TWIST2: variants seen among roughly 807,000 people sequenced by gnomAD.
TWIST2 encodes the protein twist family bHLH transcription factor 2.
Under a neutral mutation model 11.6 loss-of-function variants are expected in TWIST2, and 1 was observed. That is an observed-to-expected ratio of 0.09 (90% CI 0.03 to 0.41). The LOEUF is 0.41. Among genes scored for constraint, TWIST2 ranks in the 10% least tolerant of loss-of-function variants. The pLI is 0.98. For synonymous variants in TWIST2, 87 were observed against 96.6 expected (o/e 0.90, Z 0.58); for missense variants, 168 against 226.4 (o/e 0.74, Z 1.66).
intron 1 of TWIST2, among the ~76,000 whole-genome samples, chr2:238,894,206 C>T (rs1264516878): frequency 6.6e-6 from 1 of 152,190 alleles, no homozygotes; most frequent in African/African-American, 2.4e-5. Context: ...CCCCCACCCT[C>T]TTCCGGGGTT....
At chr2:238,879,245 A>G (rs141358117) in intron 1 of TWIST2, among the ~76,000 whole-genome samples, 1 of 151,956 alleles carries the variant, frequency 6.6e-6, no homozygotes, top group Admixed American at 6.6e-5. Flanking sequence ...TGATGAGACC[A>G]ATAATCAGGG....
intron 1 of TWIST2, among the ~76,000 whole-genome samples, chr2:238,892,490 G>GT (rs200697333): frequency 0.016 from 2,475 of 151,804 alleles, 54 homozygotes; most frequent in African/African-American, 0.057. Context: ...TTTTGTTTTT[G>GT]TTTTTTTTGA....
At chr2:238,862,689 C>A (rs1574749661) in intron 1 of TWIST2, among the ~76,000 whole-genome samples, 2 of 152,282 alleles carry the variant, frequency 1.3e-5, no homozygotes, top group Non-Finnish European at 2.9e-5. Context: ...ATGAACAATT[C>A]CACTTCTAGG....
chr2:238,850,106 T>C (rs918506469), intron 1 of TWIST2, among the ~76,000 whole-genome samples: 7 of 152,256 alleles, frequency 4.6e-5, no homozygotes, highest in African/African-American at 1.7e-4. Context: ...AGGTGGGTTT[T>C]ATTTCATTTT....
chr2:238,882,562 C>T (rs1442373621), intron 1 of TWIST2, among the ~76,000 whole-genome samples: 1 of 152,128 alleles, frequency 6.6e-6, no homozygotes, highest in Non-Finnish European at 1.5e-5. Flanking sequence ...AGCCTCTTCA[C>T]CTTGACTCCG....
chr2:238,907,235 G>GC (rs1693368166), intron 1 of TWIST2, among the ~76,000 whole-genome samples: 1 of 152,184 alleles, frequency 6.6e-6, no homozygotes, highest in Non-Finnish European at 1.5e-5. Context: ...TGCCCTGTGG[G>GC]CCCCACTGAG....
At chr2:238,876,488 C>T (rs1038853760) in intron 1 of TWIST2, among the ~76,000 whole-genome samples, 3 of 152,238 alleles carry the variant, frequency 2.0e-5, no homozygotes, top group Middle Eastern at 3.4e-3. Flanking sequence ...GTCCCGCCTT[C>T]GGGGACAGTC....
chr2:238,882,726 C>A (rs1692959921), intron 1 of TWIST2, among the ~76,000 whole-genome samples: 1 of 152,162 alleles, frequency 6.6e-6, no homozygotes, highest in Admixed American at 6.5e-5. Flanking sequence ...CTTACATATT[C>A]CTTTTGTCCC....
intron 1 of TWIST2, among the ~76,000 whole-genome samples, chr2:238,879,468 A>T (rs1265004476): frequency 1.3e-5 from 2 of 152,172 alleles, no homozygotes; most frequent in Non-Finnish European, 2.9e-5. Context: ...ACCTCCCTCC[A>T]GCCGGGACTA....
chr2:238,882,171 C>G (rs1692948122), intron 1 of TWIST2, among the ~76,000 whole-genome samples: 1 of 152,132 alleles, frequency 6.6e-6, no homozygotes, highest in Non-Finnish European at 1.5e-5. Context: ...TACACCAAGC[C>G]CCACTTGCCT....
chr2:238,874,788 G>T (rs1242203077), intron 1 of TWIST2, among the ~76,000 whole-genome samples: 2 of 152,132 alleles, frequency 1.3e-5, no homozygotes, highest in Non-Finnish European at 2.9e-5. Context: ...CACAGCACTT[G>T]GGTGTGCACC....
At chr2:238,854,223 T>C (rs2106348981) in intron 1 of TWIST2, among the ~76,000 whole-genome samples, 1 of 152,316 alleles carries the variant, frequency 6.6e-6, no homozygotes, top group East Asian at 1.9e-4. Context: ...ACTCCTGTCT[T>C]TTTAGTTCAC....
At chr2:238,886,095 C>CAAAA (rs67714100) in intron 1 of TWIST2, among the ~76,000 whole-genome samples, 25 of 123,262 alleles carry the variant, frequency 2.0e-4, no homozygotes, top group African/African-American at 5.3e-4. Flanking sequence ...GACTCCATCT[C>CAAAA]AAAAAAAAAA....
In TWIST2 at chr2:238,857,770, C is replaced by G. The variant is rs144141418; in HGVS notation, c.*35+9037C>G. 3.0e-3 allele frequency among the ~76,000 whole-genome samples: 454 copies of G among 152,122 alleles called. 1 individual carries two copies. The highest frequency in any genetic ancestry group is 0.01 in the African/African-American group (433 of 41,518). On this transcript the variant is annotated intron_variant, in intron 1 of 1. Coordinates refer to ENST00000612363, the MANE Select transcript of TWIST2 (RefSeq NM_001271893.4). ...TGACCAACATAGTGAAACTCCATCT[C>G]TACTAAAAATACAAAAATTAGCCAC...
At chr2:238,879,187 C>T (rs1266649954) in intron 1 of TWIST2, among the ~76,000 whole-genome samples, 1 of 152,132 alleles carries the variant, frequency 6.6e-6, no homozygotes, top group Admixed American at 6.5e-5. Context: ...CTGACCTTGC[C>T]TTACCTAGAC....
intron 1 of TWIST2, among the ~76,000 whole-genome samples, chr2:238,859,207 C>T (rs138510112): frequency 0.75 from 108,471 of 144,722 alleles, 39,967 homozygotes; most frequent in African/African-American, 0.78. Flanking sequence ...AGCGACACTC[C>T]GTCTCAAAAA....
intron 1 of TWIST2, among the ~76,000 whole-genome samples, chr2:238,880,122 C>T (rs1198179802): frequency 4.9e-5 from 7 of 142,750 alleles, no homozygotes; most frequent in Non-Finnish European, 7.5e-5. Context: ...CTCGTGCTAG[C>T]GTTAGTATTA....
intron 1 of TWIST2, among the ~76,000 whole-genome samples, chr2:238,871,649 A>G (rs1204765215): frequency 3.7e-5 from 1 of 27,076 alleles, no homozygotes; most frequent in East Asian, 3.5e-3. Context: ...ACACACAAAC[A>G]CCCCCCCCAC....
At chr2:238,852,244 A>G (rs1559265952) in intron 1 of TWIST2, among the ~76,000 whole-genome samples, 1 of 152,224 alleles carries the variant, frequency 6.6e-6, no homozygotes, top group Non-Finnish European at 1.5e-5. Flanking sequence ...CAAATATTTT[A>G]ATAAGCCAAT....
Sources: allele counts gnomAD v4.1 joint callset (sites outside exome capture counted in the v4.1 genomes callset), GRCh38; gene constraint gnomAD v4.1.1; transcripts MANE v1.5; gene names NCBI Gene and HGNC (gene_info 2026-07-23, HGNC 2026-07-21).